Variants in RMST observed in about 807,000 individuals in gnomAD.
RMST encodes the protein rhabdomyosarcoma 2 associated transcript.
intron 5 of RMST, among the ~76,000 whole-genome samples, chr12:97,474,989 A>G (rs1874375613): frequency 6.6e-6 from 1 of 152,170 alleles, no homozygotes; most frequent in Non-Finnish European, 1.5e-5. Context: ...TTTCCCCAAT[A>G]AAGTAGCCAA....
At chr12:97,552,690 CCTTT>C (rs1315923916) in intron 11 of RMST, among the ~76,000 whole-genome samples, 1 of 152,170 alleles carries the variant, frequency 6.6e-6, no homozygotes, top group Non-Finnish European at 1.5e-5. Flanking sequence ...CACCTAAATC[CCTTT>C]CTATTTTGTT....
At chr12:97,564,095 A>G (rs1884355160) in intron 13 of RMST, 1 of 323,386 alleles carries the variant, frequency 3.1e-6, no homozygotes, top group Admixed American at 4.1e-5. Context: ...TAACATGCAC[A>G]TTTGGGTTTG....
chr12:97,472,102 C>T (rs1474527497), intron 5 of RMST, among the ~76,000 whole-genome samples: 6 of 152,042 alleles, frequency 3.9e-5, no homozygotes, highest in African/African-American at 7.2e-5. Context: ...AAGTGACGCA[C>T]GAATAATACC....
At chr12:97,503,188 T>C (rs1878278905) in intron 10 of RMST, among the ~76,000 whole-genome samples, 1 of 152,272 alleles carries the variant, frequency 6.6e-6, no homozygotes, top group South Asian at 2.1e-4. Context: ...TTCCTTCTTC[T>C]CCTATAGCAA....
intron 10 of RMST, among the ~76,000 whole-genome samples, chr12:97,507,353 A>G (rs1878815636): frequency 6.6e-6 from 1 of 151,740 alleles, no homozygotes; most frequent in African/African-American, 2.4e-5. Context: ...GTGGAGAAAG[A>G]AGACAGGAAT....
At chr12:97,499,439 T>G (rs747281812) in intron 10 of RMST, among the ~76,000 whole-genome samples, 1 of 152,154 alleles carries the variant, frequency 6.6e-6, no homozygotes, top group Non-Finnish European at 1.5e-5. Context: ...ATTTGAACGA[T>G]TGGGTTCAAA....
chr12:97,520,155 C>A (rs1462107933), intron 10 of RMST, among the ~76,000 whole-genome samples: 1 of 152,180 alleles, frequency 6.6e-6, no homozygotes, highest in Non-Finnish European at 1.5e-5. Flanking sequence ...TCAGACATAT[C>A]TATTTCTTTC....
chr12:97,472,103 G>A (rs1279999983), intron 5 of RMST, among the ~76,000 whole-genome samples: 1 of 152,096 alleles, frequency 6.6e-6, no homozygotes, highest in Non-Finnish European at 1.5e-5. Context: ...AGTGACGCAC[G>A]AATAATACCA....
chr12:97,508,759 T>C (rs1366820466), intron 10 of RMST, among the ~76,000 whole-genome samples: 5 of 151,994 alleles, frequency 3.3e-5, no homozygotes, highest in Non-Finnish European at 5.9e-5. Flanking sequence ...TTACCCAGAG[T>C]AGGAGATTAA....
rs546843509 is a variant in RMST at position 97,501,990 on chromosome 12, C to T, written n.1340+5934C>T. On this transcript the variant is annotated intron_variant and non_coding_transcript_variant, in intron 10 of 13. Transcript: ENST00000640149. ...ACTAACTCAGTATTAGTATGAGTTA[C>T]GGTTGATAATGATTGGACTTTAACT... Among the ~76,000 whole-genome samples the T allele has an allele frequency of 8.5e-5, 13 of 152,154 alleles. No individual in the cohort carries two copies. In the East Asian group the frequency reaches 1.2e-3, roughly 14 times the overall value.
intron 5 of RMST, among the ~76,000 whole-genome samples, chr12:97,491,037 T>C (rs1036177812): frequency 6.6e-6 from 1 of 152,232 alleles, no homozygotes; most frequent in Non-Finnish European, 1.5e-5. Context: ...GTGATGTTGA[T>C]AGAAGTAAGT....
At chr12:97,526,551 A>C (rs75233828) in intron 10 of RMST, among the ~76,000 whole-genome samples, 2 of 152,186 alleles carry the variant, frequency 1.3e-5, no homozygotes, top group Non-Finnish European at 2.9e-5. Flanking sequence ...CAAAGTCCTG[A>C]TTTATTTTTA....
chr12:97,529,747 C>T (rs148684441), intron 10 of RMST, among the ~76,000 whole-genome samples: 1,522 of 152,120 alleles, frequency 0.01, 11 homozygotes, highest in Non-Finnish European at 0.014. Context: ...AATGCTTCTA[C>T]GCATTACCTA....
chr12:97,491,069 T>G (rs1237428178), intron 5 of RMST, among the ~76,000 whole-genome samples: 2 of 152,246 alleles, frequency 1.3e-5, no homozygotes, highest in African/African-American at 4.8e-5. Flanking sequence ...ATAACAGTTC[T>G]GATAGATTCC....
intron 11 of RMST, among the ~76,000 whole-genome samples, chr12:97,555,216 C>G (rs1375344156): frequency 1.3e-5 from 2 of 152,040 alleles, no homozygotes; most frequent in African/African-American, 4.8e-5. Context: ...AATATTTTTT[C>G]TTTGTATTTG....
intron 10 of RMST, among the ~76,000 whole-genome samples, chr12:97,502,093 G>A (rs1165478129): frequency 6.6e-6 from 1 of 152,066 alleles, no homozygotes; most frequent in East Asian, 1.9e-4. Context: ...TGTCAATGTA[G>A]GACTTTTTCT....
chr12:97,534,652 C>A (rs1174489338), intron 11 of RMST, among the ~76,000 whole-genome samples: 1 of 151,678 alleles, frequency 6.6e-6, no homozygotes, highest in Non-Finnish European at 1.5e-5. Context: ...TATTTTGCTT[C>A]AGTGTGCTTC....
At chr12:97,501,893 A>G (rs1004036620) in intron 10 of RMST, among the ~76,000 whole-genome samples, 1 of 152,212 alleles carries the variant, frequency 6.6e-6, no homozygotes. Context: ...GCCAGATTTC[A>G]AGACAAAACT....
At chr12:97,473,816 C>A (rs1874209481) in intron 5 of RMST, among the ~76,000 whole-genome samples, 1 of 152,040 alleles carries the variant, frequency 6.6e-6, no homozygotes, top group Non-Finnish European at 1.5e-5. Flanking sequence ...TCCAGGAAAG[C>A]CAAAGATTAG....
Sources: allele counts gnomAD v4.1 joint callset (sites outside exome capture counted in the v4.1 genomes callset), GRCh38; gene constraint gnomAD v4.1.1; transcripts MANE v1.5; gene names NCBI Gene and HGNC (gene_info 2026-07-23, HGNC 2026-07-21).